The following PCNX3 variants were observed in gnomAD, a reference collection of about 807,000 sequenced individuals.
PCNX3 encodes pecanex 3, also known as pecanex-like protein 3.
PCNX3 carries 58 observed loss-of-function variants against 207.2 expected under a neutral mutation model. The ratio of observed to expected loss-of-function variants is 0.28; its 90% CI spans 0.23 to 0.35. The LOEUF (loss-of-function observed/expected upper bound fraction) is 0.35. Among genes scored for constraint, PCNX3 ranks in the 10% least tolerant of loss-of-function variants. The pLI, the probability that PCNX3 is intolerant of heterozygous loss-of-function variation, is 1.00. For synonymous variants in PCNX3, 1,337 were observed against 1,183.5 expected (o/e 1.13, Z -2.66); for missense variants, 2,410 against 2,774.4 (o/e 0.87, Z 2.95).
rs1453914828 is a variant in PCNX3, at chr11:65,637,023, A to G, written c.*45A>G. The G allele has an allele frequency of 6.6e-7, 1 of 1,526,200 alleles. No individual in the cohort carries two copies. Among genetic ancestry groups the G allele is most frequent in the South Asian group, 1.2e-5 (1 of 83,704 alleles). The allele number at this position is 1,526,200 out of a possible 1,614,324, so 94.5% of individuals were successfully genotyped here. ...ACCACCTCCTAGGATTCAGTAACGG[A>G]CCTGCTCTGCTGCCTCTCTGCTGGA... On this transcript the variant is annotated 3_prime_UTR_variant, in exon 35 of 35. Transcript: ENST00000355703.
chr11:65,636,685 C>G lies in PCNX3; in HGVS notation c.5888C>G (p.Ser1963Cys). ...AGCCCCAAAGGAGGTACCCCCAAAT[C>G]TCAGGTAAGGCACCTGTGGGAGGGT... Reference protein sequence around the residue: ...SGSPKGGTPKSQAPLDLSLSL... With the variant: ...SGSPKGGTPKCQAPLDLSLSL... Residue 1963 changes from serine (S) to cysteine (C), a missense_variant, in exon 34 of 35, where the codon TCT becomes TGT. Ser to Cys is a moderately radical substitution (Grantham distance 112, BLOSUM62 -1). Coordinates refer to ENST00000355703, the MANE Select transcript of PCNX3 (RefSeq NM_032223.4). 1 of 1,579,848 alleles carries G rather than the reference C, an allele frequency of 6.3e-7. No homozygotes were observed.
Position 65,635,138 on chromosome 11 carries a change from C to T in PCNX3, c.4953+18C>T. ...TTCACCAGGTTGGGGAGGGGTGTGC[C>T]CAGCAGCATGGGCAGGTGGGGGATG... On this transcript the variant is annotated intron_variant, in intron 30 of 34. Coordinates refer to ENST00000355703, the MANE Select transcript of PCNX3 (RefSeq NM_032223.4). This position sits in a 1 kb window ranked among gnomAD's most constrained non-coding sequence, Gnocchi z 9.9. 6.2e-7 allele frequency: 1 copy of T among 1,610,624 alleles called. No homozygotes were observed. The highest frequency in any genetic ancestry group is 8.5e-7 in the Non-Finnish European group (1 of 1,177,800).
intron 20 of PCNX3, chr11:65,626,523 C>G: frequency 2.4e-6 from 1 of 411,040 alleles, no homozygotes; most frequent in Non-Finnish European, 4.6e-6. Flanking sequence ...TTTTGCTTCC[C>G]AGACTAGCAT....
chr11:65,617,458 C>T lies in PCNX3; in HGVS notation c.442-12C>T, dbSNP rs781736830. 3.1e-6 allele frequency: 5 copies of T among 1,613,956 alleles called. No individual in the cohort carries two copies. The highest frequency in any genetic ancestry group is 4.5e-5 in the East Asian group (2 of 44,886). On this transcript the variant is annotated splice_polypyrimidine_tract_variant and intron_variant, in intron 3 of 34. Transcript: ENST00000355703. The stretch of plus-strand genomic sequence containing the variant: ...GCCTTGTTTGTTCCTTCATGGCTCT[C>T]TGTCTACTCAGGAGCTGCTGCCCCG...
chr11:65,637,180 T>TGGGCTCCCCAGATGGAGGCAGTC lies in PCNX3; in HGVS notation c.*203_*225dup. 3 of 619,380 alleles carry TGGGCTCCCCAGATGGAGGCAGTC rather than the reference T, an allele frequency of 4.8e-6. No homozygotes were observed. The highest frequency in any genetic ancestry group is 8.3e-6 in the Non-Finnish European group (3 of 361,128). The allele number at this position is 619,380 out of a possible 1,614,324, so 38.4% of individuals were successfully genotyped here. ...TCTCTCTCATCCCCAGTCCAGGGCCTGGGCTCCCCAGATGGAGGCAGTCAG... is the reference window on the plus strand; with the variant it reads ...TCTCTCTCATCCCCAGTCCAGGGCCTGGGCTCCCCAGATGGAGGCAGTCGGGCTCCCCAGATGGAGGCAGTCAG... On this transcript the variant is annotated 3_prime_UTR_variant, in exon 35 of 35. Transcript: ENST00000355703.
intron 5 of PCNX3, 87 bp downstream of exon 5, chr11:65,617,793 CTCCTCTGTAT>C: frequency 1.3e-6 from 2 of 1,497,558 alleles, no homozygotes; most frequent in Non-Finnish European, 1.8e-6. Context: ...CATCCTGGGT[CTCCTCTGTAT>C]TCCTCTGTGG....
Position 65,630,541 on chromosome 11 carries a change from T to C in PCNX3, c.4407T>C (p.Asn1469=), listed in dbSNP as rs757963388. The change falls in exon 27 of 35, where the codon AAT becomes AAC. Residue 1469 remains asparagine (N), a synonymous_variant. Coordinates refer to ENST00000355703, the MANE Select transcript of PCNX3 (RefSeq NM_032223.4). ...YVLEGYSISD[N]NAASMLQVFD... ...TGGAGGGCTATAGCATTAGTGACAA[T>C]AATGCTGCCTCCATGCTGCAGGTTT... The C allele has an allele frequency of 3.1e-6, 5 of 1,613,472 alleles. No individual in the cohort carries two copies. Among genetic ancestry groups the C allele is most frequent in the South Asian group, 2.2e-5 (2 of 91,074 alleles).
intron 27 of PCNX3, among the ~76,000 whole-genome samples, chr11:65,631,921 C>T (rs1855631374): frequency 6.6e-6 from 1 of 152,156 alleles, no homozygotes; most frequent in South Asian, 2.1e-4. Flanking sequence ...TGTCATTTGT[C>T]ATTCCTTCTG....
In PCNX3 at chr11:65,629,743, G is replaced by T. The variant is rs367547880; in HGVS notation, c.4216+8G>T. On this transcript the variant is annotated splice_region_variant and intron_variant, in intron 26 of 34. Transcript: ENST00000355703. ...GTGGCCTTGAGTTCCGGGGTGAGCC[G>T]CAGGACCAGGCTCGGGTGGGCAGGC... The T allele has an allele frequency of 3.2e-6, 5 of 1,549,230 alleles. No individual in the cohort carries two copies. In the South Asian group the frequency reaches 4.8e-5, roughly 15 times the overall value.
Position 65,625,829 on chromosome 11 carries a change from G to C in PCNX3, c.3229-75G>C. 1 of 1,597,284 alleles carries C rather than the reference G, an allele frequency of 6.3e-7. No individual in the cohort carries two copies. The highest frequency in any genetic ancestry group is 8.5e-7 in the Non-Finnish European group (1 of 1,171,358). On this transcript the variant is annotated intron_variant, in intron 19 of 34. Coordinates refer to ENST00000355703, the MANE Select transcript of PCNX3 (RefSeq NM_032223.4). This position sits in a 1 kb window ranked among gnomAD's most constrained non-coding sequence, Gnocchi z 5.6. ...GAGTGCCGTGGGCAGCCCCTCCCCG[G>C]CCTGTGCCAGGTGGCCCTCTGTGGT...
Position 65,616,935 on chromosome 11 carries a change from G to C in PCNX3, c.265G>C (p.Glu89Gln). 1 of 1,613,476 alleles carries C rather than the reference G, an allele frequency of 6.2e-7. No individual in the cohort carries two copies. The highest frequency in any genetic ancestry group is 8.5e-7 in the Non-Finnish European group (1 of 1,179,862). The part of the protein sequence containing the change: ...YRLHAMFDQG[E>Q]IVEKRSSTMG... ...GCTTCATGCCATGTTTGACCAGGGC[G>C]AGATCGTGGAGAAGCGCAGCTCTAC... The change falls in exon 2 of 35, where the codon GAG becomes CAG. Residue 89 changes from glutamate to glutamine, a missense_variant. This residue lies in a region of PCNX3 where 1,104 missense variants were observed against 970.3 expected (regional missense o/e 1.14). Transcript: ENST00000355703.
chr11:65,627,255 C>CT lies in PCNX3; in HGVS notation c.3525-149dup, dbSNP rs574619987. On this transcript the variant is annotated intron_variant, in intron 21 of 34. Transcript: ENST00000355703. ...ACCACTCCCTTTGGAAGAGCAGAGA[C>CT]TAAGAGTCACGGGCCCAAAAGAGCA... 169 of 1,137,618 alleles carry CT rather than the reference C, an allele frequency of 1.5e-4. No individual in the cohort carries two copies. In the African/African-American group the frequency reaches 2.5e-3, roughly 17 times the overall value. 70.5% of individuals were successfully genotyped at this position (1,137,618 alleles called of 1,614,324 possible). A position where few individuals can be genotyped will look rare whatever the true frequency, so the allele number is the denominator to read the frequency against.
Position 65,619,901 on chromosome 11 carries a change from G to T in PCNX3, c.1977G>T (p.Glu659Asp), listed in dbSNP as rs768773108. 4 of 1,611,658 alleles carry T rather than the reference G, an allele frequency of 2.5e-6. No individual in the cohort carries two copies. In the Admixed American group the frequency reaches 6.7e-5, roughly 27 times the overall value. ...CCTGCACCTTTGATGACACTTCTGAGGGTGCTGTGCACTATTTCTACGATG... is the reference window on the plus strand; with the variant it reads ...CCTGCACCTTTGATGACACTTCTGATGGTGCTGTGCACTATTTCTACGATG... ...HEACTFDDTS[E>D]GAVHYFYDES... Residue 659 changes from glutamate to aspartate, a missense_variant, in exon 8 of 35, where the codon GAG becomes GAT. Glu to Asp is a conservative substitution (Grantham distance 45, BLOSUM62 2). This residue lies in a region of PCNX3 where 1,104 missense variants were observed against 970.3 expected (regional missense o/e 1.14). Coordinates refer to ENST00000355703, the MANE Select transcript of PCNX3 (RefSeq NM_032223.4).
rs764772358 is a variant in PCNX3, at chr11:65,618,372, C to T, written c.1010C>T (p.Thr337Ile). The T allele has an allele frequency of 2.5e-6, 4 of 1,612,778 alleles. No homozygotes were observed. In the South Asian group the frequency reaches 3.3e-5, roughly 13 times the overall value. The change falls in exon 6 of 35, where the codon ACA becomes ATA. Residue 337 changes from threonine (T) to isoleucine (I), a missense_variant. By Grantham distance (89) the Thr-to-Ile change is moderately conservative. Transcript: ENST00000355703. ...PGGPAPEGSDTDPPSEAELPA... is the reference protein window; with the variant it reads ...PGGPAPEGSDIDPPSEAELPA... Reference sequence around the variant, plus strand: ...GGGCCAGCCCCTGAGGGCAGCGACACAGACCCACCCTCTGAGGCTGAGCTG... The same window carrying T: ...GGGCCAGCCCCTGAGGGCAGCGACATAGACCCACCCTCTGAGGCTGAGCTG...
In PCNX3 at chr11:65,636,899, G is replaced by A; in HGVS notation, c.6026G>A (p.Gly2009Asp). ...GCCCCTGAGAGTGGCACACCTATGG[G>A]TGCCCTGGGCGACTGGCCTGCCCCT... ...SSAPESGTPMGALGDWPAPIE... is the reference protein window; with the variant it reads ...SSAPESGTPMDALGDWPAPIE... The change falls in exon 35 of 35, where the codon GGT becomes GAT. Residue 2009 changes from glycine (G) to aspartate (D), a missense_variant. Gly to Asp is a moderately conservative substitution (Grantham distance 94, BLOSUM62 -1). Around this residue, in one of 8 missense-constraint regions of PCNX3, gnomAD observed 278 missense variants for 245.1 expected, o/e 1.13. Transcript: ENST00000355703. 2 of 1,555,206 alleles carry A rather than the reference G, an allele frequency of 1.3e-6. No individual in the cohort carries two copies. The highest frequency in any genetic ancestry group is 1.7e-6 in the Non-Finnish European group (2 of 1,149,488).
At position 65,635,326 on chromosome 11, in the gene PCNX3, C is replaced by T. The variant is rs1198280803; in HGVS notation, c.5062C>T (p.Arg1688Cys). 2 of 1,602,708 alleles carry T rather than the reference C, an allele frequency of 1.2e-6. No homozygotes were observed. The highest frequency in any genetic ancestry group is 1.7e-6 in the Non-Finnish European group (2 of 1,175,572). The change falls in exon 31 of 35, where the codon CGC becomes TGC. Residue 1688 changes from arginine to cysteine, a missense_variant. Physicochemically the swap from Arg to Cys is radical, Grantham distance 180. Transcript: ENST00000355703. The surrounding 1 kb of genome is among the most constrained non-coding windows in gnomAD (Gnocchi z 9.9). ...VISHEGDPAW[R>C]SAILSNTPSL... ...CTCACATGAGGGTGACCCAGCATGGCGCAGCGCCATCCTCAGCAACACGCC... is the reference window on the plus strand; with the variant it reads ...CTCACATGAGGGTGACCCAGCATGGTGCAGCGCCATCCTCAGCAACACGCC...
rs1314944534 is a variant in PCNX3, at chr11:65,635,169, T to C, written c.4953+49T>C. On this transcript the variant is annotated intron_variant, in intron 30 of 34. Coordinates refer to ENST00000355703, the MANE Select transcript of PCNX3 (RefSeq NM_032223.4). The surrounding 1 kb of genome is among the most constrained non-coding windows in gnomAD (Gnocchi z 9.9). ...GCATGGGCAGGTGGGGGATGAAGCC[T>C]CTCTCCAGGGCAGGGGCCACTGACC... 1 of 1,604,302 alleles carries C rather than the reference T, an allele frequency of 6.2e-7. No individual in the cohort carries two copies. The highest frequency in any genetic ancestry group is 8.5e-7 in the Non-Finnish European group (1 of 1,174,224).
Position 65,625,461 on chromosome 11 carries a change from C to T in PCNX3, c.3086C>T (p.Ala1029Val), listed in dbSNP as rs371016727. The T allele has an allele frequency of 5.6e-6, 9 of 1,605,718 alleles. No individual in the cohort carries two copies. The highest frequency in any genetic ancestry group is 3.4e-6 in the Non-Finnish European group (4 of 1,179,270). Residue 1029 changes from alanine (A) to valine (V), a missense_variant, in exon 18 of 35, where the codon GCC becomes GTC. Coordinates refer to ENST00000355703, the MANE Select transcript of PCNX3 (RefSeq NM_032223.4). This position sits in a 1 kb window ranked among gnomAD's most constrained non-coding sequence, Gnocchi z 5.6. ...CTGGAGGAGCGCAGCTTGGAGACAG[C>T]CCGGGCCGAGCCCCCGGACCCCTTG... ...PELEERSLET[A>V]RAEPPDPLPD... is the part of the protein sequence containing the mutation.
Position 65,618,079 on chromosome 11 carries a change from C to T in PCNX3, c.717C>T (p.Pro239=). The T allele has an allele frequency of 6.2e-7, 1 of 1,608,472 alleles. No individual in the cohort carries two copies. The highest frequency in any genetic ancestry group is 2.2e-5 in the East Asian group (1 of 44,682). Residue 239 remains proline, a synonymous_variant, in exon 6 of 35, where the codon CCC becomes CCT. Transcript: ENST00000355703. ...GCATGGCTGACACTCCCATGAGCCC[C>T]CTGCTGAAGGGGAGCCTCAGCCAGG... ...GSSMADTPMS[P]LLKGSLSQEL...
Sources: gnomAD v4.1 joint callset for allele counts (sites outside exome capture counted in the v4.1 genomes callset) on GRCh38, gnomAD v4.1.1 for gene constraint, gnomAD v4.1.1 regional missense constraint, Gnocchi (gnomAD v3.1) non-coding constraint, MANE v1.5 for transcripts, NCBI Gene and HGNC (gene_info 2026-07-23, HGNC 2026-07-21) for gene names.